The following AUTS2 variants were observed in gnomAD, a reference collection of about 807,000 sequenced individuals.
The protein encoded by AUTS2 is activator of transcription and developmental regulator AUTS2, also known as autism susceptibility gene 2 protein.
A neutral mutation model predicts 112.4 loss-of-function variants in AUTS2; 17 were observed. That is an observed-to-expected ratio of 0.15 (90% CI 0.10 to 0.23). The LOEUF is 0.23. AUTS2 is among the 10% of genes least tolerant of loss of function. The probability of loss-of-function intolerance (pLI) is 1.00; values close to 1 mark genes in which losing one functional copy is unlikely to be tolerated. For missense variants in AUTS2, 1,510 were observed against 1,701.6 expected (o/e 0.89, Z 1.98); for synonymous variants, 751 against 702.7 (o/e 1.07, Z -1.09).
chr7:69,831,206 A>T (rs887755227), intron 1 of AUTS2, among the ~76,000 whole-genome samples: 1 of 152,198 alleles, frequency 6.6e-6, no homozygotes, highest in Non-Finnish European at 1.5e-5. Context: ...GAATAAGAAC[A>T]GTCTGTTCAT....
At chr7:70,085,429 G>T (rs899707542) in intron 2 of AUTS2, among the ~76,000 whole-genome samples, 1 of 151,180 alleles carries the variant, frequency 6.6e-6, no homozygotes, top group Admixed American at 6.6e-5. Flanking sequence ...GCAGTGGCAC[G>T]ATCTTGGCTC....
At chr7:70,402,407 G>T (rs551095663) in intron 4 of AUTS2, among the ~76,000 whole-genome samples, 2 of 152,224 alleles carry the variant, frequency 1.3e-5, no homozygotes, top group African/African-American at 2.4e-5. Flanking sequence ...TGAAGCTGAC[G>T]CAGAATCACA....
At chr7:69,760,581 T>TG (rs1326954058) in intron 1 of AUTS2, among the ~76,000 whole-genome samples, 3 of 152,098 alleles carry the variant, frequency 2.0e-5, no homozygotes, top group Non-Finnish European at 4.4e-5. Flanking sequence ...CCTAGCACTT[T>TG]GGGAGGCCAA....
chr7:70,238,023 T>C (rs763344950), intron 4 of AUTS2, among the ~76,000 whole-genome samples: 2 of 152,200 alleles, frequency 1.3e-5, no homozygotes, highest in African/African-American at 2.4e-5. Context: ...AGAGAACTTA[T>C]TAAAATGCAA....
At chr7:70,667,118 G>T (rs1807392538) in intron 5 of AUTS2, among the ~76,000 whole-genome samples, 1 of 152,052 alleles carries the variant, frequency 6.6e-6, no homozygotes, top group Non-Finnish European at 1.5e-5. Context: ...AGTACTCAAA[G>T]GATTAAAAGC....
chr7:69,792,325 C>T (rs1287642842), intron 1 of AUTS2, among the ~76,000 whole-genome samples: 4 of 151,762 alleles, frequency 2.6e-5, no homozygotes, highest in Non-Finnish European at 2.9e-5. Context: ...CTGCAAGCTC[C>T]GCCTCCCGGG....
chr7:69,754,433 C>CT (rs2129274812), intron 1 of AUTS2, among the ~76,000 whole-genome samples: 1 of 152,218 alleles, frequency 6.6e-6, no homozygotes, highest in South Asian at 2.1e-4. Context: ...AGGCTTTTGA[C>CT]TTTAACTCTG....
At chr7:70,648,691 C>A (rs543425938) in intron 5 of AUTS2, among the ~76,000 whole-genome samples, 49 of 152,300 alleles carry the variant, frequency 3.2e-4, no homozygotes, top group Non-Finnish European at 5.4e-4. Context: ...AAGCAATTCT[C>A]CTGTCTCAGC....
At chr7:70,260,220 G>A (rs896481542) in intron 4 of AUTS2, among the ~76,000 whole-genome samples, 10 of 151,762 alleles carry the variant, frequency 6.6e-5, no homozygotes, top group Admixed American at 5.3e-4. Context: ...AAAAAAATTA[G>A]CCAGGCGTGG....
chr7:70,427,604 G>T (rs1795488151), intron 4 of AUTS2, among the ~76,000 whole-genome samples: 1 of 152,122 alleles, frequency 6.6e-6, no homozygotes, highest in African/African-American at 2.4e-5. Context: ...AAAAATATTA[G>T]AATTTAATTT....
At chr7:69,689,454 G>A (rs1275364158) in intron 1 of AUTS2, among the ~76,000 whole-genome samples, 1 of 143,842 alleles carries the variant, frequency 7.0e-6, no homozygotes, top group Admixed American at 7.1e-5. Context: ...GGGTTCAAGC[G>A]ATTCTTCTGC....
chr7:70,590,158 G>A lies in AUTS2; in HGVS notation c.691-108411G>A, dbSNP rs57480270. Among the ~76,000 whole-genome samples, 1,160 of 145,380 alleles carry A rather than the reference G, an allele frequency of 8.0e-3. 22 individuals are homozygous for A. The highest frequency in any genetic ancestry group is 0.029 in the African/African-American group (1,109 of 38,142). On this transcript the variant is annotated intron_variant, in intron 5 of 18. Transcript: ENST00000342771. ...TGTGTGTGTGTGTGTGTGTATGTATGTATATATATATATATATGTATAAAA... is the reference window on the plus strand; with the variant it reads ...TGTGTGTGTGTGTGTGTGTATGTATATATATATATATATATATGTATAAAA...
At chr7:69,828,665 C>G (rs1397020711) in intron 1 of AUTS2, among the ~76,000 whole-genome samples, 2 of 152,188 alleles carry the variant, frequency 1.3e-5, no homozygotes, top group East Asian at 1.9e-4. Context: ...TGCTTTTACA[C>G]AAGTATGACA....
chr7:70,065,703 A>AT (rs1554439822), intron 2 of AUTS2, among the ~76,000 whole-genome samples: 1 of 151,896 alleles, frequency 6.6e-6, no homozygotes, highest in Non-Finnish European at 1.5e-5. Context: ...ATCTCAAAAA[A>AT]ATATATATAT....
In AUTS2 at chr7:69,666,967, A is replaced by G. The variant is rs537738738; in HGVS notation, c.309+67005A>G. Among the ~76,000 whole-genome samples, 14 of 152,210 alleles carry G rather than the reference A, an allele frequency of 9.2e-5. No individual in the cohort carries two copies. In the South Asian group the frequency reaches 2.5e-3, roughly 27 times the overall value. ...GAAGGAGAAGTACCTAGCTCAGTCCATTTTCTACTGAAAATGGGTAATATA... is the reference window on the plus strand; with the variant it reads ...GAAGGAGAAGTACCTAGCTCAGTCCGTTTTCTACTGAAAATGGGTAATATA... On this transcript the variant is annotated intron_variant, in intron 1 of 18. Coordinates refer to ENST00000342771, the MANE Select transcript of AUTS2 (RefSeq NM_015570.4).
At chr7:70,120,248 G>A (rs1048182906) in intron 3 of AUTS2, 5 of 151,988 alleles carry the variant, frequency 3.3e-5, no homozygotes, top group Non-Finnish European at 7.4e-5. Flanking sequence ...TATTCTTACA[G>A]GAATTAAATG....
chr7:69,702,374 G>A (rs1399136541), intron 1 of AUTS2, among the ~76,000 whole-genome samples: 1 of 152,188 alleles, frequency 6.6e-6, no homozygotes, highest in Non-Finnish European at 1.5e-5. Context: ...GGCAGGGTGA[G>A]AAGGAAGGAA....
intron 2 of AUTS2, among the ~76,000 whole-genome samples, chr7:70,020,929 C>G (rs1042858312): frequency 7.2e-5 from 11 of 152,188 alleles, no homozygotes; most frequent in Non-Finnish European, 1.5e-4. Flanking sequence ...CCTTGATCTC[C>G]CAAAGTGTTG....
At chr7:69,715,229 A>G (rs950886192) in intron 1 of AUTS2, among the ~76,000 whole-genome samples, 1 of 109,192 alleles carries the variant, frequency 9.2e-6, no homozygotes, top group African/African-American at 3.8e-5. Context: ...GGCATAAGTA[A>G]AAAAAAAAAA....
Sources: allele counts gnomAD v4.1 joint callset (sites outside exome capture counted in the v4.1 genomes callset), GRCh38; gene constraint gnomAD v4.1.1; transcripts MANE v1.5; gene names NCBI Gene and HGNC (gene_info 2026-07-23, HGNC 2026-07-21).